UGT2A2: variants seen among roughly 807,000 people sequenced by gnomAD.
The protein encoded by UGT2A2 is UDP-glucuronosyltransferase 2A2.
UGT2A2 carries 60 observed loss-of-function variants against 50.7 expected under a neutral mutation model. The ratio of observed to expected loss-of-function variants is 1.18; its 90% CI spans 0.96 to 1.47. The LOEUF (loss-of-function observed/expected upper bound fraction) is 1.47. Among genes scored for constraint, UGT2A2 ranks in the 40% most tolerant of loss-of-function variants. UGT2A2 has a pLI of 0.00. For synonymous variants in UGT2A2, 242 were observed against 214.6 expected, an observed-to-expected ratio of 1.13 and a Z score of -1.11; for missense variants, 762 against 634.0, an observed-to-expected ratio of 1.20 and a Z score of -2.17.
intron 1 of UGT2A2, among the ~76,000 whole-genome samples, chr4:69,610,403 T>A (rs985191952): frequency 5.3e-5 from 8 of 152,272 alleles, no homozygotes; most frequent in Admixed American, 5.2e-4. Context: ...GACTTGTAAC[T>A]GTTAGGGCAT....
intron 1 of UGT2A2, among the ~76,000 whole-genome samples, chr4:69,617,822 G>C (rs964358815): frequency 1.3e-5 from 2 of 151,506 alleles, no homozygotes; most frequent in Non-Finnish European, 2.9e-5. Flanking sequence ...ATATAACTAG[G>C]TTTCAAAATA....
At chr4:69,610,396 TTGTAAC>T (rs1420277353) in intron 1 of UGT2A2, among the ~76,000 whole-genome samples, 3 of 152,168 alleles carry the variant, frequency 2.0e-5, no homozygotes, top group South Asian at 2.1e-4. Flanking sequence ...TCTTCTTGAC[TTGTAAC>T]TGTTAGGGCA....
intron 1 of UGT2A2, among the ~76,000 whole-genome samples, chr4:69,618,558 A>G (rs981121488): frequency 1.3e-5 from 2 of 152,016 alleles, no homozygotes; most frequent in Admixed American, 1.3e-4. Flanking sequence ...AACAGACCAT[A>G]TTAATAATAT....
At chr4:69,590,638 A>AGTGT (rs4148321) in intron 5 of UGT2A2, among the ~76,000 whole-genome samples, 27,595 of 150,218 alleles carry the variant, frequency 0.18, 3,013 homozygotes, top group East Asian at 0.5. Context: ...ACATGTGTTG[A>AGTGT]GTGTGTGTGT....
At chr4:69,603,038 C>G (rs62306487) in intron 1 of UGT2A2, among the ~76,000 whole-genome samples, 24,602 of 133,240 alleles carry the variant, frequency 0.18, 5,880 homozygotes, top group Non-Finnish European at 0.22. Context: ...CTGCAATCCA[C>G]CCTGGGTGAC....
chr4:69,638,674 CA>C, intron 1 of UGT2A2, among the ~76,000 whole-genome samples: 1 of 152,184 alleles, frequency 6.6e-6, no homozygotes, highest in Middle Eastern at 3.4e-3. Context: ...CCTAAATGGA[CA>C]CAAAGTTGTT....
intron 5 of UGT2A2, among the ~76,000 whole-genome samples, chr4:69,591,714 T>G (rs1222750396): frequency 6.6e-6 from 1 of 152,178 alleles, no homozygotes; most frequent in East Asian, 1.9e-4. Context: ...AGAATTTTTA[T>G]TTTTGGTTTA....
intron 1 of UGT2A2, among the ~76,000 whole-genome samples, chr4:69,620,385 T>TA (rs933859573): frequency 4.6e-5 from 6 of 131,624 alleles, no homozygotes; most frequent in Non-Finnish European, 1.0e-4. Flanking sequence ...TCACAATTGC[T>TA]AAAAAAGAAT....
Position 69,639,145 on chromosome 4 carries a change from C to T in UGT2A2, c.496G>A (p.Asp166Asn), listed in dbSNP as rs376466990. ...LVADPVTICG[D>N]LVALKLGIPF... is the part of the protein sequence containing the mutation. Reference sequence around the variant, plus strand: ...ATTCCTAATTTCAGAGCAACAAGATCACCACAGATTGTTACTGGGTCTGCT... The same window carrying T: ...ATTCCTAATTTCAGAGCAACAAGATTACCACAGATTGTTACTGGGTCTGCT... Residue 166 changes from aspartate to asparagine, a missense_variant, in exon 1 of 6, where the codon GAT becomes AAT. Transcript: ENST00000604629. 2 of 1,613,496 alleles carry T rather than the reference C, an allele frequency of 1.2e-6. No homozygotes were observed. Among genetic ancestry groups the T allele is most frequent in the African/African-American group, 1.3e-5 (1 of 74,874 alleles).
intron 1 of UGT2A2, among the ~76,000 whole-genome samples, chr4:69,617,708 A>G (rs1720486846): frequency 6.6e-6 from 1 of 151,772 alleles, no homozygotes; most frequent in Non-Finnish European, 1.5e-5. Flanking sequence ...AATAATATAA[A>G]TTATTATTCA....
Position 69,618,636 on chromosome 4 carries a change from G to T in UGT2A2, c.743-19242C>A, listed in dbSNP as rs535487286. Among the ~76,000 whole-genome samples the T allele has an allele frequency of 3.3e-5, 5 of 151,768 alleles. No homozygotes were observed. In the East Asian group the frequency reaches 9.7e-4, roughly 29 times the overall value. ...TTGACCATTAATTCCTGAAACCCTC[G>T]ATACAGTAAAATCTTTATGCTTTTC... is the stretch of plus-strand genomic sequence containing the variant. On this transcript the variant is annotated intron_variant, in intron 1 of 5. Coordinates refer to ENST00000604629, the MANE Select transcript of UGT2A2 (RefSeq NM_001105677.2).
chr4:69,625,412 A>G (rs972746179), intron 1 of UGT2A2, among the ~76,000 whole-genome samples: 7 of 151,064 alleles, frequency 4.6e-5, no homozygotes, highest in African/African-American at 1.7e-4. Context: ...TTGAAATAGT[A>G]TATGTTAGGA....
At position 69,595,225 on chromosome 4, in the gene UGT2A2, T is replaced by A; in HGVS notation, c.1048A>T (p.Lys350Ter). The A allele has an allele frequency of 6.2e-7, 1 of 1,613,844 alleles. No homozygotes were observed. The highest frequency in any genetic ancestry group is 1.3e-5 in the African/African-American group (1 of 75,030). ...GTATTGTTTCCTAATGTGGCTGGTT[T>A]CTTTCCTTTGTATCTCCATAAAACC... is the stretch of plus-strand genomic sequence containing the variant. ...QKVLWRYKGK[K>*]PATLGNNTQL... The change falls in exon 4 of 6, where the codon AAA becomes TAA. Residue 350 changes from lysine (K) to a stop codon, truncating the protein, a stop_gained. Transcript: ENST00000604629. LOFTEE classifies it high-confidence loss of function.
At chr4:69,599,983 G>C (rs532886495) in intron 1 of UGT2A2, among the ~76,000 whole-genome samples, 4 of 152,254 alleles carry the variant, frequency 2.6e-5, no homozygotes, top group Admixed American at 2.6e-4. Flanking sequence ...CACTTGAAAA[G>C]ACAATATAGT....
chr4:69,627,532 GAA>G (rs1553906766), intron 1 of UGT2A2, among the ~76,000 whole-genome samples: 24 of 85,564 alleles, frequency 2.8e-4, no homozygotes, highest in African/African-American at 5.8e-4. Flanking sequence ...AAGAAAGAAA[GAA>G]AGAGAGAGAG....
intron 1 of UGT2A2, among the ~76,000 whole-genome samples, chr4:69,628,997 G>A (rs1721241406): frequency 6.6e-6 from 1 of 151,752 alleles, no homozygotes; most frequent in South Asian, 2.1e-4. Context: ...AGGGAGCCAG[G>A]TGATATCAGG....
chr4:69,635,849 A>AAAAGAG (rs772370302), intron 1 of UGT2A2: 1 of 118,514 alleles, frequency 8.4e-6, no homozygotes, highest in African/African-American at 4.0e-5. Flanking sequence ...AAAAAAAAAA[A>AAAAGAG]AGAGAGAGAG....
intron 1 of UGT2A2, among the ~76,000 whole-genome samples, chr4:69,622,357 A>G (rs1361604765): frequency 2.6e-5 from 4 of 151,880 alleles, no homozygotes; most frequent in Admixed American, 2.6e-4. Context: ...CTAATATGCC[A>G]GTGTATTTCA....
chr4:69,594,398 T>C (rs1718782123), intron 5 of UGT2A2, 79 bp downstream of exon 5: 1 of 1,530,700 alleles, frequency 6.5e-7, no homozygotes, highest in African/African-American at 1.4e-5. Context: ...ATTACAAAAG[T>C]ATAAAAGAAT....
Sources: gnomAD v4.1 joint callset for allele counts (sites outside exome capture counted in the v4.1 genomes callset) on GRCh38, gnomAD v4.1.1 for gene constraint, MANE v1.5 for transcripts, NCBI Gene and HGNC (gene_info 2026-07-23, HGNC 2026-07-21) for gene names.